GRM7: variants seen among roughly 807,000 people sequenced by gnomAD.
The protein encoded by GRM7 is glutamate metabotropic receptor 7, also known as metabotropic glutamate receptor 7.
GRM7 carries 35 observed loss-of-function variants against 84.5 expected under a neutral mutation model. The observed-to-expected ratio is 0.41, with a 90% CI of 0.32 to 0.55. The LOEUF is 0.55. Ranked by LOEUF, GRM7 falls within the 20% of genes least tolerant of loss-of-function variation. The probability of loss-of-function intolerance (pLI) is 0.19; values close to 1 mark genes in which losing one functional copy is unlikely to be tolerated. For synonymous variants in GRM7, 487 were observed against 455.1 expected (o/e 1.07, Z -0.89); for missense variants, 1,003 against 1,194.6 (o/e 0.84, Z 2.36).
At chr3:7,015,966 AG>A (rs1340476326) in intron 1 of GRM7, among the ~76,000 whole-genome samples, 2 of 152,224 alleles carry the variant, frequency 1.3e-5, no homozygotes, top group Non-Finnish European at 2.9e-5. Flanking sequence ...ACCCTTTGAA[AG>A]GAGTTCTAAA....
At chr3:7,685,234 G>C (rs896202656) in intron 9 of GRM7, among the ~76,000 whole-genome samples, 138 of 152,274 alleles carry the variant, frequency 9.1e-4, no homozygotes, top group African/African-American at 3.1e-3. Context: ...TCTTCACCTG[G>C]ACTGGTATCA....
chr3:7,064,922 C>G (rs1441602855), intron 1 of GRM7, among the ~76,000 whole-genome samples: 2 of 151,856 alleles, frequency 1.3e-5, no homozygotes, highest in African/African-American at 4.8e-5. Flanking sequence ...TTTTGATTTA[C>G]ATTTCTTTGA....
intron 8 of GRM7, among the ~76,000 whole-genome samples, chr3:7,610,112 T>C (rs1575552031): frequency 6.6e-6 from 1 of 152,206 alleles, no homozygotes; most frequent in South Asian, 2.1e-4. Context: ...ATCTGTCTTA[T>C]TGAAGGTAGG....
At chr3:7,111,741 G>C (rs1692858343) in intron 1 of GRM7, among the ~76,000 whole-genome samples, 1 of 152,118 alleles carries the variant, frequency 6.6e-6, no homozygotes, top group Non-Finnish European at 1.5e-5. Context: ...ATGCAGTAAA[G>C]TACATGTATC....
intron 8 of GRM7, among the ~76,000 whole-genome samples, chr3:7,586,291 A>G (rs1408227766): frequency 6.6e-6 from 1 of 152,168 alleles, no homozygotes; most frequent in African/African-American, 2.4e-5. Context: ...AAAATTAAAC[A>G]TATACCTAGC....
intron 8 of GRM7, among the ~76,000 whole-genome samples, chr3:7,621,903 A>T (rs996884290): frequency 2.6e-5 from 4 of 152,148 alleles, no homozygotes; most frequent in Non-Finnish European, 5.9e-5. Flanking sequence ...AATATGATAG[A>T]TTGGATTGAG....
intron 7 of GRM7, among the ~76,000 whole-genome samples, chr3:7,549,286 A>C (rs1693325597): frequency 6.6e-6 from 1 of 152,098 alleles, no homozygotes; most frequent in Non-Finnish European, 1.5e-5. Context: ...TTTTCATCTG[A>C]GTTTATTTGT....
chr3:7,316,836 A>G (rs888873738), intron 4 of GRM7, among the ~76,000 whole-genome samples: 1 of 152,184 alleles, frequency 6.6e-6, no homozygotes, highest in Non-Finnish European at 1.5e-5. Context: ...ACAAAATTCA[A>G]TTTTGTGCAG....
intron 2 of GRM7, among the ~76,000 whole-genome samples, chr3:7,154,806 G>T (rs1018684244): frequency 3.3e-5 from 5 of 152,014 alleles, no homozygotes; most frequent in African/African-American, 1.2e-4. Flanking sequence ...AACTTTAGGG[G>T]CAAAATGTTT....
At chr3:7,421,545 A>G (rs1696393704) in intron 5 of GRM7, among the ~76,000 whole-genome samples, 1 of 152,012 alleles carries the variant, frequency 6.6e-6, no homozygotes. Context: ...ATTTTTTTTT[A>G]AAGCCCAGGA....
At chr3:6,942,618 T>C (rs1316890042) in intron 1 of GRM7, among the ~76,000 whole-genome samples, 1 of 152,132 alleles carries the variant, frequency 6.6e-6, no homozygotes, top group Non-Finnish European at 1.5e-5. Context: ...CCACAGTTTG[T>C]TCCATATACT....
At chr3:7,530,472 C>A (rs377574491) in intron 7 of GRM7, among the ~76,000 whole-genome samples, 239 of 152,204 alleles carry the variant, frequency 1.6e-3, no homozygotes, top group African/African-American at 5.6e-3. Context: ...AATGGGATTG[C>A]TGGGTCAAAT....
At chr3:6,963,305 G>T (rs1391306636) in intron 1 of GRM7, among the ~76,000 whole-genome samples, 1 of 152,162 alleles carries the variant, frequency 6.6e-6, no homozygotes, top group Non-Finnish European at 1.5e-5. Flanking sequence ...CTTTAGCTCA[G>T]CAACCCCAAA....
intron 4 of GRM7, among the ~76,000 whole-genome samples, chr3:7,320,672 TG>T (rs1700742085): frequency 8.1e-6 from 1 of 122,706 alleles, no homozygotes; most frequent in Non-Finnish European, 1.7e-5. Flanking sequence ...ACACCATCAG[TG>T]GGTGATCAGT....
chr3:6,883,698 G>A (rs963037533), intron 1 of GRM7, among the ~76,000 whole-genome samples: 4 of 152,158 alleles, frequency 2.6e-5, no homozygotes, highest in Non-Finnish European at 5.9e-5. Context: ...GTATTAGCAA[G>A]AACAGCCTAG....
intron 4 of GRM7, among the ~76,000 whole-genome samples, chr3:7,348,697 G>A (rs1039960121): frequency 1.3e-5 from 2 of 152,010 alleles, no homozygotes; most frequent in African/African-American, 4.8e-5. Context: ...GCATCACCTG[G>A]GAACTTATCA....
intron 2 of GRM7, among the ~76,000 whole-genome samples, chr3:7,202,290 T>C (rs1417538525): frequency 6.6e-6 from 1 of 152,210 alleles, no homozygotes; most frequent in Non-Finnish European, 1.5e-5. Context: ...CAATTTCATA[T>C]TCCCGATTCA....
intron 1 of GRM7, among the ~76,000 whole-genome samples, chr3:7,133,435 A>G (rs1040829843): frequency 1.3e-5 from 2 of 152,178 alleles, no homozygotes; most frequent in Non-Finnish European, 2.9e-5. Flanking sequence ...TGCTACTGGC[A>G]TCTAGGCCAG....
intron 7 of GRM7, among the ~76,000 whole-genome samples, chr3:7,529,362 A>G (rs1700938395): frequency 6.6e-6 from 1 of 152,124 alleles, no homozygotes; most frequent in Non-Finnish European, 1.5e-5. Context: ...TTGGAATGAA[A>G]GAATCCATCT....
Sources: gnomAD v4.1 joint callset for allele counts (sites outside exome capture counted in the v4.1 genomes callset) on GRCh38, gnomAD v4.1.1 for gene constraint, MANE v1.5 for transcripts, NCBI Gene and HGNC (gene_info 2026-07-23, HGNC 2026-07-21) for gene names.